The following SHD variants were observed in gnomAD, a reference collection of about 807,000 sequenced individuals.
The protein encoded by SHD is Src homology 2 domain containing transforming protein D.
Under a neutral mutation model 31.2 loss-of-function variants are expected in SHD, and 29 were observed. The observed-to-expected ratio is 0.93, with a 90% CI of 0.69 to 1.27. SHD has a LOEUF of 1.27. Among genes scored for constraint, SHD ranks in the 50% most tolerant of loss-of-function variants. SHD has a pLI of 0.00. For synonymous variants in SHD, 208 were observed against 187.8 expected (o/e 1.11, Z -0.88); for missense variants, 520 against 453.8 (o/e 1.15, Z -1.33).
At position 4,283,194 on chromosome 19, in the gene SHD, G is replaced by T; in HGVS notation, c.544G>T (p.Asp182Tyr). The T allele has an allele frequency of 7.4e-6, 12 of 1,614,130 alleles. No homozygotes were observed. The highest frequency in any genetic ancestry group is 1.0e-5 in the Non-Finnish European group (12 of 1,180,036). Residue 182 changes from aspartate (D) to tyrosine (Y), a missense_variant, in exon 3 of 6, where the codon GAT becomes TAT. By Grantham distance (160) the Asp-to-Tyr change is radical. Transcript: ENST00000543264. ...AGATGAACGGCCAGCAGATGAGTATGATCAGCCCTGGGAGTGGAAGAAAGA... is the reference window on the plus strand; with the variant it reads ...AGATGAACGGCCAGCAGATGAGTATTATCAGCCCTGGGAGTGGAAGAAAGA... ...QEDERPADEY[D>Y]QPWEWKKDHI...
intron 1 of SHD, 117 bp from the exon 2 acceptor site, chr19:4,282,753 A>T: frequency 2.2e-6 from 1 of 465,014 alleles, no homozygotes; most frequent in Non-Finnish European, 3.6e-6. Context: ...AAATAATAAA[A>T]AAATAAAAAC....
intron 4 of SHD, among the ~76,000 whole-genome samples, chr19:4,285,889 C>CTTTTTTTTTTTTTTTTTTTTTT (rs56142317): frequency 8.0e-5 from 7 of 87,354 alleles, no homozygotes; most frequent in African/African-American, 2.6e-4. Context: ...CTTTTCCTTT[C>CTTTTTTTTTTTTTTTTTTTTTT]TTTTTTTTTT....
chr19:4,287,129 G>A (rs574223973), intron 4 of SHD, among the ~76,000 whole-genome samples: 4 of 151,928 alleles, frequency 2.6e-5, no homozygotes, highest in Non-Finnish European at 5.9e-5. Context: ...GTTAGAGATT[G>A]AGACCAGCCT....
At chr19:4,288,458 A>T in intron 5 of SHD, 96 bp downstream of exon 5, 4 of 1,382,350 alleles carry the variant, frequency 2.9e-6, no homozygotes, top group African/African-American at 1.5e-5. Context: ...TGGCTCCCGC[A>T]GCCATAGGGA....
intron 5 of SHD, among the ~76,000 whole-genome samples, chr19:4,289,315 G>A (rs893040288): frequency 2.7e-5 from 4 of 150,638 alleles, no homozygotes; most frequent in African/African-American, 9.7e-5. Flanking sequence ...GTTTCACTGT[G>A]TTAGCCAGGA....
intron 5 of SHD, among the ~76,000 whole-genome samples, chr19:4,289,613 T>G (rs958445649): frequency 6.6e-6 from 1 of 151,274 alleles, no homozygotes; most frequent in African/African-American, 2.4e-5. Flanking sequence ...CTCTGTCGCC[T>G]AGGCTGGAGT....
intron 5 of SHD, among the ~76,000 whole-genome samples, chr19:4,289,239 T>A (rs985462239): frequency 6.8e-6 from 1 of 148,128 alleles, no homozygotes; most frequent in African/African-American, 2.5e-5. Flanking sequence ...GCCTCCCGAG[T>A]AGCTGGGACT....
At chr19:4,289,896 G>T (rs1382668310) in intron 5 of SHD, among the ~76,000 whole-genome samples, 1 of 148,300 alleles carries the variant, frequency 6.7e-6, no homozygotes, top group African/African-American at 2.5e-5. Flanking sequence ...ATTATTTTGA[G>T]ACAGAGTCTC....
At chr19:4,287,006 T>C (rs937631260) in intron 4 of SHD, among the ~76,000 whole-genome samples, 1 of 151,436 alleles carries the variant, frequency 6.6e-6, no homozygotes, top group Admixed American at 6.6e-5. Context: ...CAGGCCAACA[T>C]GGTGAAACCC....
At position 4,286,272 on chromosome 19, in the gene SHD, TTTCTTTCTTTTTTTCTTTCCTTCC is replaced by T. The variant is rs1568369439; in HGVS notation, c.716+1372_716+1395del. Among the ~76,000 whole-genome samples, 31 of 112,364 alleles carry T rather than the reference TTTCTTTCTTTTTTTCTTTCCTTCC, an allele frequency of 2.8e-4. 1 individual carries two copies. The highest frequency in any genetic ancestry group is 9.4e-4 in the African/African-American group (30 of 31,800). 73.7% of individuals were successfully genotyped at this position (112,364 alleles called of 152,430 possible). A position where few individuals can be genotyped will look rare whatever the true frequency, so the allele number is the denominator to read the frequency against. On this transcript the variant is annotated intron_variant, in intron 4 of 5. Transcript: ENST00000543264. ...CTTTCTTTCTTTCTCTCTTTCTTTC[TTTCTTTCTTTTTTTCTTTCCTTCC>T]TTCCTTCCTTCCTTCCTTCCTACCT...
intron 5 of SHD, among the ~76,000 whole-genome samples, chr19:4,289,255 C>G (rs1021606933): frequency 6.6e-6 from 1 of 150,588 alleles, no homozygotes; most frequent in Non-Finnish European, 1.5e-5. Context: ...GGACTACAGG[C>G]GCCCACCACC....
At chr19:4,284,627 C>A in intron 3 of SHD, 154 bp from the exon 4 acceptor site, 1 of 897,030 alleles carries the variant, frequency 1.1e-6, no homozygotes, top group Non-Finnish European at 1.6e-6. Context: ...GCACCTGTGG[C>A]CAATCCTGCC....
In SHD at chr19:4,280,285, C is replaced by T. The variant is rs1479214838; in HGVS notation, c.222C>T (p.Pro74=). ...KNPGDAKYGS[P]KHRLIKVEAA... is the part of the protein sequence containing the mutation. Reference sequence around the variant, plus strand: ...CCGGAGATGCCAAGTATGGTTCTCCCAAGCACCGGCTCATCAAGGTGGAGG... The same window carrying T: ...CCGGAGATGCCAAGTATGGTTCTCCTAAGCACCGGCTCATCAAGGTGGAGG... Residue 74 remains proline (P), a synonymous_variant, in exon 1 of 6, where the codon CCC becomes CCT. Coordinates refer to ENST00000543264, the MANE Select transcript of SHD (RefSeq NM_020209.4). 1 of 1,611,984 alleles carries T rather than the reference C, an allele frequency of 6.2e-7. No individual in the cohort carries two copies. Among genetic ancestry groups the T allele is most frequent in the South Asian group, 1.1e-5 (1 of 90,786 alleles).
At chr19:4,286,275 CTTTCTTTT>C (rs1568369446) in intron 4 of SHD, among the ~76,000 whole-genome samples, 1,350 of 121,048 alleles carry the variant, frequency 0.011, 23 homozygotes, top group Non-Finnish European at 0.014. Flanking sequence ...TTCTTTCTTT[CTTTCTTTT>C]TTTCTTTCCT....
At chr19:4,289,387 A>G (rs1971353149) in intron 5 of SHD, among the ~76,000 whole-genome samples, 2 of 150,928 alleles carry the variant, frequency 1.3e-5, no homozygotes, top group Non-Finnish European at 1.5e-5. Context: ...CTGGGATTAC[A>G]GGTGTGAGCC....
intron 4 of SHD, among the ~76,000 whole-genome samples, chr19:4,287,143 T>G (rs1489312029): frequency 3.3e-5 from 5 of 151,658 alleles, no homozygotes; most frequent in Admixed American, 6.6e-5. Flanking sequence ...CCAGCCTGAC[T>G]AACATGGTGA....
chr19:4,283,085 C>A lies in SHD; in HGVS notation c.435C>A (p.Asp145Glu). The change falls in exon 3 of 6, where the codon GAC becomes GAA. Residue 145 changes from aspartate (D) to glutamate (E), a missense_variant. Coordinates refer to ENST00000543264, the MANE Select transcript of SHD (RefSeq NM_020209.4). ...ELPGRGVQLYDTPYEEQDPET... is the reference protein window; with the variant it reads ...ELPGRGVQLYETPYEEQDPET... ...CCGGCAGAGGGGTGCAGCTCTATGA[C>A]ACCCCTTATGAGGAACAGGACCCAG... The A allele has an allele frequency of 6.2e-7, 1 of 1,614,092 alleles. No homozygotes were observed. Among genetic ancestry groups the A allele is most frequent in the Non-Finnish European group, 8.5e-7 (1 of 1,179,998 alleles).
chr19:4,288,246 G>T lies in SHD; in HGVS notation c.720G>T (p.Trp240Cys). 1.2e-6 allele frequency: 2 copies of T among 1,613,482 alleles called. No homozygotes were observed. Among genetic ancestry groups the T allele is most frequent in the Non-Finnish European group, 1.7e-6 (2 of 1,179,676 alleles). The change falls in exon 5 of 6, where the codon TGG becomes TGT. Residue 240 changes from tryptophan to cysteine, a missense_variant. Coordinates refer to ENST00000543264, the MANE Select transcript of SHD (RefSeq NM_020209.4). The part of the protein sequence containing the change: ...DPALPLEKQP[W>C]FHGPLNRADA... ...GACATCTGTCCATACTCGCTAGGTG[G>T]TTTCATGGCCCCCTGAACAGGGCGG...
rs61739549 is a variant in SHD, at chr19:4,288,336, C to A, written c.810C>A (p.Asn270Lys). 343 of 1,613,112 alleles carry A rather than the reference C, an allele frequency of 2.1e-4. 1 individual carries two copies. In the African/African-American group the frequency reaches 4.2e-3, roughly 20 times the overall value. Residue 270 changes from asparagine to lysine, a missense_variant, in exon 5 of 6, where the codon AAC (asparagine) becomes AAA (lysine). Asn to Lys is a moderately conservative substitution (Grantham distance 94, BLOSUM62 0). Coordinates refer to ENST00000543264, the MANE Select transcript of SHD (RefSeq NM_020209.4). ...GSYLVRLSET[N>K]PQDCSLSLRS... ...ACCTAGTGCGGCTCAGTGAGACCAACCCCCAGGACTGCTCCTTGTCTCTCA... is the reference window on the plus strand; with the variant it reads ...ACCTAGTGCGGCTCAGTGAGACCAAACCCCAGGACTGCTCCTTGTCTCTCA...
Sources: allele counts gnomAD v4.1 joint callset (sites outside exome capture counted in the v4.1 genomes callset), GRCh38; gene constraint gnomAD v4.1.1; transcripts MANE v1.5; gene names NCBI Gene and HGNC (gene_info 2026-07-23, HGNC 2026-07-21).